Variants in NCKAP1 observed in about 807,000 individuals in gnomAD.
NCKAP1 encodes NCK associated protein 1.
In NCKAP1, 21 loss-of-function variants were observed where a neutral mutation model predicts 151.2. The observed-to-expected ratio is 0.14, with a 90% CI of 0.10 to 0.20. NCKAP1 has a LOEUF of 0.20. NCKAP1 is among the 10% of genes least tolerant of loss of function. NCKAP1 has a pLI of 1.00. For missense variants in NCKAP1, 933 were observed against 1,352.1 expected, an observed-to-expected ratio of 0.69 and a Z score of 4.86; for synonymous variants, 484 against 451.8, an observed-to-expected ratio of 1.07 and a Z score of -0.90.
intron 15 of NCKAP1, among the ~76,000 whole-genome samples, chr2:182,974,535 CAA>C (rs1697765876): frequency 6.6e-6 from 1 of 151,868 alleles, no homozygotes; most frequent in South Asian, 2.1e-4. Context: ...ATGAAATATG[CAA>C]AGAGGAAAAA....
At chr2:182,977,321 C>T (rs1285347514) in intron 14 of NCKAP1, among the ~76,000 whole-genome samples, 1 of 152,018 alleles carries the variant, frequency 6.6e-6, no homozygotes, top group Non-Finnish European at 1.5e-5. Context: ...GAAACCCCAT[C>T]TCTACTAAAA....
In NCKAP1 at chr2:183,003,230, T is replaced by G; in HGVS notation, c.312+3A>C. 6.8e-7 allele frequency: 1 copy of G among 1,460,434 alleles called. No individual in the cohort carries two copies. The highest frequency in any genetic ancestry group is 9.4e-7 in the Non-Finnish European group (1 of 1,061,856). The allele number at this position is 1,460,434 out of a possible 1,614,324, so 90.5% of individuals were successfully genotyped here. On this transcript the variant is annotated splice_donor_region_variant and intron_variant, in intron 3 of 30. Coordinates refer to ENST00000361354, the MANE Select transcript of NCKAP1 (RefSeq NM_013436.5). ...GTTAAATATTATATATTAAAATACA[T>G]ACCTTAAATTCCATAACATCTACAA...
intron 10 of NCKAP1, among the ~76,000 whole-genome samples, chr2:182,983,858 C>T (rs1362469753): frequency 1.3e-5 from 2 of 152,086 alleles, no homozygotes; most frequent in Non-Finnish European, 2.9e-5. Context: ...CATGACAAAA[C>T]TCCGTCTCTA....
intron 8 of NCKAP1, among the ~76,000 whole-genome samples, chr2:182,992,406 C>T (rs1403369483): frequency 6.6e-6 from 1 of 152,136 alleles, no homozygotes; most frequent in Non-Finnish European, 1.5e-5. Context: ...ATCGACTTAC[C>T]GGCTCATTAC....
rs1357119056 is a variant in NCKAP1, at chr2:183,023,931, T to A, written c.109-15A>T. ...TCTCCACATGCCTATAAAACAACAG[T>A]AATAAAAAAAAGTGAAATGCACCCT... On this transcript the variant is annotated splice_polypyrimidine_tract_variant and intron_variant, in intron 1 of 30. Transcript: ENST00000361354. 4 of 1,541,244 alleles carry A rather than the reference T, an allele frequency of 2.6e-6. No homozygotes were observed. The highest frequency in any genetic ancestry group is 2.0e-5 in the Admixed American group (1 of 50,268).
At chr2:183,021,006 G>A (rs1278332629) in intron 2 of NCKAP1, among the ~76,000 whole-genome samples, 1 of 152,066 alleles carries the variant, frequency 6.6e-6, no homozygotes. Flanking sequence ...AAGGCAATAT[G>A]AAAAAACTCA....
At chr2:182,931,736 G>A (rs1302735369) in intron 26 of NCKAP1, among the ~76,000 whole-genome samples, 2 of 152,076 alleles carry the variant, frequency 1.3e-5, no homozygotes, top group African/African-American at 4.8e-5. Context: ...TGCAAATCAT[G>A]AATCTGTTAA....
At chr2:182,964,899 A>G in intron 16 of NCKAP1, 91 bp from the exon 17 acceptor site, 1 of 979,552 alleles carries the variant, frequency 1.0e-6, no homozygotes, top group Non-Finnish European at 1.5e-6. Flanking sequence ...CAAGTGAATG[A>G]ATGATAACTG....
At chr2:182,934,637 C>A (rs1696835751) in intron 26 of NCKAP1, 115 bp downstream of exon 26, 1 of 614,324 alleles carries the variant, frequency 1.6e-6, no homozygotes, top group East Asian at 3.2e-5. Flanking sequence ...TGCTAACTAA[C>A]CACTCTAAAC....
Position 182,967,316 on chromosome 2 carries a change from T to C in NCKAP1, c.1528A>G (p.Arg510Gly). The C allele has an allele frequency of 6.2e-7, 1 of 1,612,126 alleles. No homozygotes were observed. Among genetic ancestry groups the C allele is most frequent in the East Asian group, 2.2e-5 (1 of 44,756 alleles). ...GTATTCATCATCTTTCCAAGTTCTCTGTGATCTGCAAGGCCAAGTGAAGCC... is the reference window on the plus strand; with the variant it reads ...GTATTCATCATCTTTCCAAGTTCTCCGTGATCTGCAAGGCCAAGTGAAGCC... ...SKASLGLADHRELGKMMNTII... is the reference protein window; with the variant it reads ...SKASLGLADHGELGKMMNTII... The change falls in exon 16 of 31, where the codon AGA becomes GGA. Residue 510 changes from arginine (R) to glycine (G), a missense_variant. By Grantham distance (125) the Arg-to-Gly change is moderately radical. This residue lies in a region of NCKAP1 where 607 missense variants were observed against 795.0 expected (regional missense o/e 0.76). Coordinates refer to ENST00000361354, the MANE Select transcript of NCKAP1 (RefSeq NM_013436.5).
At chr2:182,954,612 C>A (rs895255332) in intron 20 of NCKAP1, among the ~76,000 whole-genome samples, 2 of 152,060 alleles carry the variant, frequency 1.3e-5, no homozygotes, top group Non-Finnish European at 2.9e-5. Context: ...ATGGCGAAAC[C>A]CCGTCTCTAC....
chr2:182,954,726 C>T (rs1697289072), intron 20 of NCKAP1, among the ~76,000 whole-genome samples: 1 of 152,030 alleles, frequency 6.6e-6, no homozygotes, highest in Non-Finnish European at 1.5e-5. Context: ...ATGGAGGTTG[C>T]AGTGAGCTGA....
At chr2:182,933,389 ATTTT>A (rs35213776) in intron 26 of NCKAP1, among the ~76,000 whole-genome samples, 2 of 124,030 alleles carry the variant, frequency 1.6e-5, no homozygotes. Flanking sequence ...GTGGCACCAC[ATTTT>A]TTTTTTTTTT....
At chr2:182,960,958 C>T (rs1422641366) in intron 18 of NCKAP1, among the ~76,000 whole-genome samples, 1 of 152,128 alleles carries the variant, frequency 6.6e-6, no homozygotes, top group Non-Finnish European at 1.5e-5. Flanking sequence ...GACATTTATG[C>T]AGCCAAAAGA....
chr2:183,031,619 C>A (rs192575332), intron 1 of NCKAP1, among the ~76,000 whole-genome samples: 23 of 152,070 alleles, frequency 1.5e-4, no homozygotes, highest in Admixed American at 5.2e-4. Context: ...ATGTTCCAAG[C>A]CCCAGAAATA....
At chr2:183,017,680 A>G (rs1244663324) in intron 2 of NCKAP1, among the ~76,000 whole-genome samples, 1 of 152,164 alleles carries the variant, frequency 6.6e-6, no homozygotes, top group Non-Finnish European at 1.5e-5. Flanking sequence ...GATCTAGAGC[A>G]CAGAATATAG....
At chr2:183,010,018 C>A (rs1698562415) in intron 2 of NCKAP1, among the ~76,000 whole-genome samples, 1 of 152,198 alleles carries the variant, frequency 6.6e-6, no homozygotes, top group Non-Finnish European at 1.5e-5. Context: ...GGTTATGTTT[C>A]TCTAAGTTCA....
intron 8 of NCKAP1, among the ~76,000 whole-genome samples, chr2:182,994,170 T>C (rs576381806): frequency 2.0e-4 from 30 of 152,284 alleles, no homozygotes; most frequent in African/African-American, 7.2e-4. Flanking sequence ...AAACTTTAAG[T>C]GAACGGATGT....
At chr2:182,931,591 AATC>A (rs1402852795) in intron 26 of NCKAP1, among the ~76,000 whole-genome samples, 2 of 152,184 alleles carry the variant, frequency 1.3e-5, no homozygotes, top group East Asian at 3.8e-4. Flanking sequence ...TATAGGCACA[AATC>A]ATCATGACAC....
Sources: allele counts gnomAD v4.1 joint callset (sites outside exome capture counted in the v4.1 genomes callset), GRCh38; gene constraint gnomAD v4.1.1; regional missense constraint gnomAD v4.1.1; transcripts MANE v1.5; gene names NCBI Gene and HGNC (gene_info 2026-07-23, HGNC 2026-07-21).